CDH10: variants seen among roughly 807,000 people sequenced by gnomAD.
CDH10 encodes cadherin-10.
CDH10 carries 30 observed loss-of-function variants against 73.1 expected under a neutral mutation model. The ratio of observed to expected loss-of-function variants is 0.41; its 90% CI spans 0.31 to 0.56. CDH10 has a LOEUF of 0.56. Among genes scored for constraint, CDH10 ranks in the 20% least tolerant of loss-of-function variants. The probability of loss-of-function intolerance (pLI) is 0.27; values close to 1 mark genes in which losing one functional copy is unlikely to be tolerated. For synonymous variants in CDH10, 345 were observed against 348.2 expected, an observed-to-expected ratio of 0.99 and a Z score of 0.10; for missense variants, 815 against 973.7, an observed-to-expected ratio of 0.84 and a Z score of 2.17.
At chr5:24,579,353 AT>A (rs927516944) in intron 2 of CDH10, among the ~76,000 whole-genome samples, 3 of 138,770 alleles carry the variant, frequency 2.2e-5, no homozygotes, top group Admixed American at 7.3e-5. Context: ...ATATATATAT[AT>A]GTATACATAA....
intron 5 of CDH10, among the ~76,000 whole-genome samples, chr5:24,515,008 A>G (rs1358714406): frequency 6.6e-6 from 1 of 152,186 alleles, no homozygotes; most frequent in African/African-American, 2.4e-5. Flanking sequence ...AATAAACCAC[A>G]TTCAACTAAA....
chr5:24,640,137 TAA>T (rs1366617496), intron 1 of CDH10, among the ~76,000 whole-genome samples: 1 of 151,744 alleles, frequency 6.6e-6, no homozygotes, highest in Non-Finnish European at 1.5e-5. Context: ...ATACTGGCCA[TAA>T]AAATCACAAG....
intron 2 of CDH10, among the ~76,000 whole-genome samples, chr5:24,564,688 C>G (rs1345975411): frequency 2.0e-5 from 3 of 152,160 alleles, no homozygotes; most frequent in African/African-American, 7.2e-5. Context: ...AAAAGTGATT[C>G]TAATTTTCTT....
chr5:24,628,871 C>G (rs924375695), intron 1 of CDH10, among the ~76,000 whole-genome samples: 1 of 123,104 alleles, frequency 8.1e-6, no homozygotes, highest in Admixed American at 9.6e-5. Context: ...CACACACACA[C>G]ACAGACACAC....
chr5:24,543,176 ATATC>A (rs1339461199), intron 2 of CDH10, among the ~76,000 whole-genome samples: 33 of 152,266 alleles, frequency 2.2e-4, no homozygotes, highest in Admixed American at 1.4e-3. Flanking sequence ...TGAAAAAACC[ATATC>A]TATCAGGAGG....
intron 11 of CDH10, among the ~76,000 whole-genome samples, chr5:24,490,044 G>A (rs997160092): frequency 1.3e-5 from 2 of 151,934 alleles, no homozygotes; most frequent in African/African-American, 4.8e-5. Flanking sequence ...ACATTTTTTT[G>A]TCAAGTGAAA....
At chr5:24,594,436 T>C (rs1443939540) in intron 1 of CDH10, among the ~76,000 whole-genome samples, 2 of 151,856 alleles carry the variant, frequency 1.3e-5, no homozygotes, top group Non-Finnish European at 2.9e-5. Context: ...CATGTCATTT[T>C]TTTTTCCACA....
At chr5:24,565,649 G>C (rs1276757262) in intron 2 of CDH10, among the ~76,000 whole-genome samples, 1 of 152,088 alleles carries the variant, frequency 6.6e-6, no homozygotes, top group East Asian at 1.9e-4. Flanking sequence ...GGGCCTCTAA[G>C]GAAGTAATTG....
At chr5:24,591,183 GTAAT>G (rs1039340916) in intron 2 of CDH10, among the ~76,000 whole-genome samples, 2 of 151,870 alleles carry the variant, frequency 1.3e-5, no homozygotes, top group Admixed American at 1.3e-4. Context: ...AATTGTATAA[GTAAT>G]TAATGTAATA....
intron 5 of CDH10, among the ~76,000 whole-genome samples, chr5:24,525,175 G>T (rs1009978223): frequency 1.3e-5 from 2 of 151,986 alleles, no homozygotes; most frequent in African/African-American, 4.8e-5. Flanking sequence ...CTTACCTCTA[G>T]GTTTTGAGTT....
At chr5:24,566,534 A>G (rs192873697) in intron 2 of CDH10, among the ~76,000 whole-genome samples, 10 of 152,264 alleles carry the variant, frequency 6.6e-5, no homozygotes, top group Non-Finnish European at 1.3e-4. Context: ...AGAATTGATC[A>G]TTCATAATTA....
chr5:24,527,185 CAT>C (rs1743563073), intron 5 of CDH10, among the ~76,000 whole-genome samples: 1 of 148,846 alleles, frequency 6.7e-6, no homozygotes, highest in African/African-American at 2.5e-5. Context: ...TATATATAAT[CAT>C]ATATATTTTG....
rs1327659284 is a variant in CDH10, at chr5:24,505,881, C to T, written c.1257-633G>A. Among the ~76,000 whole-genome samples the T allele has an allele frequency of 2.0e-5, 3 of 152,112 alleles. No individual in the cohort carries two copies. The East Asian group carries it at 5.8e-4, about 29-fold the overall frequency. ...CTGTAATCCCAGCACCTTGGGAGGC[C>T]CAGGCAGGAGGATCATGAGGTCAGG... is the stretch of plus-strand genomic sequence containing the variant. On this transcript the variant is annotated intron_variant, in intron 7 of 11. Transcript: ENST00000264463.
intron 9 of CDH10, among the ~76,000 whole-genome samples, chr5:24,495,906 C>A (rs899958007): frequency 2.6e-5 from 4 of 151,402 alleles, no homozygotes; most frequent in Non-Finnish European, 5.9e-5. Context: ...ACCCTTGAAC[C>A]CTTTTCAGTT....
Position 24,593,370 on chromosome 5 carries a change from C to A in CDH10, c.121G>T (p.Val41Leu), listed in dbSNP as rs752914373. The change falls in exon 2 of 12, where the codon GTA (valine) becomes TTA (leucine). Residue 41 changes from valine to leucine, a missense_variant. By Grantham distance (32) the Val-to-Leu change is conservative. Coordinates refer to ENST00000264463, the MANE Select transcript of CDH10 (RefSeq NM_006727.5). ...VPQQRILSSR[V>L]PRSDGKILHR... Reference sequence around the variant, plus strand: ...AGAATTTTGCCATCACTCCTTGGTACACGTGAACTTAAAATTCTTTGCTGT... The same window carrying A: ...AGAATTTTGCCATCACTCCTTGGTAAACGTGAACTTAAAATTCTTTGCTGT... 3.1e-6 allele frequency: 5 copies of A among 1,612,432 alleles called. No homozygotes were observed. The highest frequency in any genetic ancestry group is 2.2e-5 in the East Asian group (1 of 44,850).
At chr5:24,586,552 C>G (rs542653286) in intron 2 of CDH10, among the ~76,000 whole-genome samples, 7 of 146,762 alleles carry the variant, frequency 4.8e-5, no homozygotes, top group Admixed American at 2.1e-4. Flanking sequence ...AAGCGATTCT[C>G]CTGCCTCAGC....
chr5:24,609,338 A>C (rs9293145), intron 1 of CDH10, among the ~76,000 whole-genome samples: 29,820 of 152,038 alleles, frequency 0.2, 3,224 homozygotes, highest in East Asian at 0.28. Flanking sequence ...AGGTTAGAAG[A>C]AGCACAGGCT....
At chr5:24,618,235 TTCTGAGTC>T (rs1387365087) in intron 1 of CDH10, among the ~76,000 whole-genome samples, 3 of 152,200 alleles carry the variant, frequency 2.0e-5, no homozygotes, top group Non-Finnish European at 4.4e-5. Context: ...ATTGCAAAAT[TTCTGAGTC>T]TCTGGAAACT....
chr5:24,622,976 G>A (rs1346439895), intron 1 of CDH10, among the ~76,000 whole-genome samples: 1 of 152,176 alleles, frequency 6.6e-6, no homozygotes, highest in African/African-American at 2.4e-5. Flanking sequence ...CTCAGTGGTA[G>A]CACTTTCTAG....
Sources: gnomAD v4.1 joint callset for allele counts (sites outside exome capture counted in the v4.1 genomes callset) on GRCh38, gnomAD v4.1.1 for gene constraint, MANE v1.5 for transcripts, NCBI Gene and HGNC (gene_info 2026-07-23, HGNC 2026-07-21) for gene names.